The following TMEM192 variants were observed in gnomAD, a reference collection of about 807,000 sequenced individuals.
TMEM192 encodes transmembrane protein 192.
A neutral mutation model predicts 26.7 loss-of-function variants in TMEM192; 20 were observed. The observed-to-expected ratio is 0.75, with a 90% CI of 0.53 to 1.09. TMEM192 has a LOEUF of 1.09. Among genes scored for constraint, TMEM192 ranks in the 50% least tolerant of loss-of-function variants. The probability of loss-of-function intolerance (pLI) is 0.00; values close to 1 mark genes in which losing one functional copy is unlikely to be tolerated. For missense variants in TMEM192, 304 were observed against 322.6 expected, an observed-to-expected ratio of 0.94 and a Z score of 0.44; for synonymous variants, 124 against 121.0, an observed-to-expected ratio of 1.02 and a Z score of -0.16.
chr4:165,095,213 G>A (rs1411564878), intron 3 of TMEM192, among the ~76,000 whole-genome samples: 1 of 152,118 alleles, frequency 6.6e-6, no homozygotes, highest in African/African-American at 2.4e-5. Flanking sequence ...CTGGTAGGAA[G>A]AAATGAACTA....
rs1316766677 is a variant in TMEM192 at position 165,075,687 on chromosome 4, A to T, written c.*3971T>A. Reference sequence around the variant, plus strand: ...TGGGTTCAAGCAATTCTCCTGCCTTAGCCTCCAGAGTAGCTGGGATTACAG... The same window carrying T: ...TGGGTTCAAGCAATTCTCCTGCCTTTGCCTCCAGAGTAGCTGGGATTACAG... On this transcript the variant is annotated 3_prime_UTR_variant, in exon 6 of 6. Transcript: ENST00000306480. 6.7e-6 allele frequency: 1 copy of T among 149,532 alleles called. No individual in the cohort carries two copies. Among genetic ancestry groups the T allele is most frequent in the Non-Finnish European group, 1.5e-5 (1 of 67,776 alleles). The allele number at this position is 149,532 out of a possible 1,614,324, so 9.3% of individuals were successfully genotyped here. A position where few individuals can be genotyped will look rare whatever the true frequency, so the allele number is the denominator to read the frequency against.
intron 3 of TMEM192, among the ~76,000 whole-genome samples, chr4:165,097,266 C>A (rs1034088214): frequency 6.6e-6 from 1 of 151,800 alleles, no homozygotes; most frequent in Admixed American, 6.6e-5. Context: ...AGGCCGAGGC[C>A]GGCGGATCAC....
chr4:165,089,379 G>A (rs1226029310), intron 3 of TMEM192, among the ~76,000 whole-genome samples: 1 of 152,090 alleles, frequency 6.6e-6, no homozygotes, highest in Non-Finnish European at 1.5e-5. Context: ...GGAGTGCAGT[G>A]GCGCTATCTC....
chr4:165,100,592 C>T (rs1195059501), intron 3 of TMEM192, 36 bp downstream of exon 3: 2 of 1,590,062 alleles, frequency 1.3e-6, no homozygotes, highest in South Asian at 2.3e-5. Flanking sequence ...TTTTGTCCCT[C>T]AAGCACCCAA....
chr4:165,075,476 G>A lies in TMEM192; in HGVS notation c.*4182C>T, dbSNP rs186769340. On this transcript the variant is annotated 3_prime_UTR_variant, in exon 6 of 6. Transcript: ENST00000306480. Reference sequence around the variant, plus strand: ...TCACCATGCTGGCCAGGATGGCCTCGATCTGCTGACCTCGTGATCTGTCCG... The same window carrying A: ...TCACCATGCTGGCCAGGATGGCCTCAATCTGCTGACCTCGTGATCTGTCCG... 2 of 151,768 alleles carry A rather than the reference G, an allele frequency of 1.3e-5. No homozygotes were observed. The highest frequency in any genetic ancestry group is 1.5e-5 in the Non-Finnish European group (1 of 67,956). 9.4% of individuals were successfully genotyped at this position (151,768 alleles called of 1,614,324 possible).
At chr4:165,112,651 A>G (rs1261688281) in intron 1 of TMEM192, 96 bp downstream of exon 1, 1 of 1,547,486 alleles carries the variant, frequency 6.5e-7, no homozygotes, top group Non-Finnish European at 8.7e-7. Context: ...CGCAGTCGCC[A>G]AGGGTGGCTT....
rs1734326085 is a variant in TMEM192 at position 165,074,209 on chromosome 4, T to C, written c.*5449A>G. On this transcript the variant is annotated 3_prime_UTR_variant, in exon 6 of 6. Transcript: ENST00000306480. Reference sequence around the variant, plus strand: ...TTTAAGCAATGTGGAAGGAAGCTATTGGTGACCTTGCCAAGAACAGTTTCA... The same window carrying C: ...TTTAAGCAATGTGGAAGGAAGCTATCGGTGACCTTGCCAAGAACAGTTTCA... 6.6e-6 allele frequency: 1 copy of C among 152,158 alleles called. No homozygotes were observed. Among genetic ancestry groups the C allele is most frequent in the African/African-American group, 2.4e-5 (1 of 41,440 alleles). 9.4% of individuals were successfully genotyped at this position (152,158 alleles called of 1,614,324 possible). A position where few individuals can be genotyped will look rare whatever the true frequency, so the allele number is the denominator to read the frequency against.
Position 165,102,987 on chromosome 4 carries a change from G to C in TMEM192, c.137C>G (p.Pro46Arg), listed in dbSNP as rs369059707. ...CAGAAGATTCACTATGATGACTGTA[G>C]GAAGAGGATGGAATCGGGGTCTAAA... is the stretch of plus-strand genomic sequence containing the variant. ...AHFRPRFHPL[P>R]TVIIVNLLWF... Residue 46 changes from proline to arginine, a missense_variant, in exon 2 of 6, where the codon CCT becomes CGT. Coordinates refer to ENST00000306480, the MANE Select transcript of TMEM192 (RefSeq NM_001100389.2). 6 of 1,613,154 alleles carry C rather than the reference G, an allele frequency of 3.7e-6. No homozygotes were observed. The African/African-American group carries it at 8.0e-5, about 22-fold the overall frequency.
chr4:165,101,003 G>C, intron 2 of TMEM192, 111 bp from the exon 3 acceptor site: 2 of 1,132,376 alleles, frequency 1.8e-6, no homozygotes, highest in Non-Finnish European at 2.3e-6. Flanking sequence ...CTGAGACAGA[G>C]TCTCACTCTG....
At chr4:165,080,189 A>G (rs1734488858) in intron 5 of TMEM192, among the ~76,000 whole-genome samples, 1 of 152,188 alleles carries the variant, frequency 6.6e-6, no homozygotes, top group Admixed American at 6.6e-5. Flanking sequence ...ACCATGGGAA[A>G]CAATTTTTTA....
At chr4:165,101,424 T>G (rs972800450) in intron 2 of TMEM192, among the ~76,000 whole-genome samples, 1 of 152,150 alleles carries the variant, frequency 6.6e-6, no homozygotes, top group Non-Finnish European at 1.5e-5. Context: ...TGGAGTGCAG[T>G]GGTGCCATCT....
chr4:165,090,128 T>C (rs1734718634), intron 3 of TMEM192, among the ~76,000 whole-genome samples: 1 of 148,904 alleles, frequency 6.7e-6, no homozygotes, highest in African/African-American at 2.5e-5. Flanking sequence ...GGAGAATCAC[T>C]TGAACCCGGG....
chr4:165,074,121 TCA>T lies in TMEM192; in HGVS notation c.*5535_*5536del, dbSNP rs1734324857. On this transcript the variant is annotated 3_prime_UTR_variant, in exon 6 of 6. Coordinates refer to ENST00000306480, the MANE Select transcript of TMEM192 (RefSeq NM_001100389.2). ...CAGGTGTGGAGGGGCAGACCCCCCC[TCA>T]ATCAACTGAGCCAAGTGTTGCTGAT... 1 of 119,200 alleles carries T rather than the reference TCA, an allele frequency of 8.4e-6. No individual in the cohort carries two copies. Among genetic ancestry groups the T allele is most frequent in the Middle Eastern group, 4.5e-3 (1 of 222 alleles). 7.4% of individuals were successfully genotyped at this position (119,200 alleles called of 1,614,324 possible).
chr4:165,104,034 A>T (rs1389503801), intron 1 of TMEM192, among the ~76,000 whole-genome samples: 1 of 152,100 alleles, frequency 6.6e-6, no homozygotes, highest in Non-Finnish European at 1.5e-5. Context: ...GAGGCAGGAG[A>T]ATCACTTGGA....
intron 4 of TMEM192, among the ~76,000 whole-genome samples, chr4:165,086,642 C>T (rs1359400452): frequency 2.0e-5 from 3 of 152,058 alleles, no homozygotes; most frequent in African/African-American, 7.2e-5. Context: ...CCAGGCTGTT[C>T]TCAAACTCCT....
chr4:165,081,084 G>T (rs68009410), intron 5 of TMEM192, among the ~76,000 whole-genome samples: 3 of 151,826 alleles, frequency 2.0e-5, no homozygotes, highest in African/African-American at 7.3e-5. Context: ...AAGTATATTC[G>T]GAAAAAGACT....
At chr4:165,111,202 C>A (rs1421747530) in intron 1 of TMEM192, among the ~76,000 whole-genome samples, 2 of 152,086 alleles carry the variant, frequency 1.3e-5, no homozygotes. Flanking sequence ...CGGGTTCAAG[C>A]GATTCTCCTG....
At chr4:165,091,286 T>C (rs1734757360) in intron 3 of TMEM192, among the ~76,000 whole-genome samples, 1 of 151,918 alleles carries the variant, frequency 6.6e-6, no homozygotes, top group African/African-American at 2.4e-5. Flanking sequence ...AATACAGAAG[T>C]ATGGGAAGCA....
At chr4:165,105,119 C>G (rs776456484) in intron 1 of TMEM192, among the ~76,000 whole-genome samples, 10 of 152,134 alleles carry the variant, frequency 6.6e-5, no homozygotes, top group African/African-American at 9.7e-5. Flanking sequence ...ATCAAACTAT[C>G]CTGTGATGGT....
Sources: allele counts gnomAD v4.1 joint callset (sites outside exome capture counted in the v4.1 genomes callset), GRCh38; gene constraint gnomAD v4.1.1; transcripts MANE v1.5; gene names NCBI Gene and HGNC (gene_info 2026-07-23, HGNC 2026-07-21).